FRMD3: variants seen among roughly 807,000 people sequenced by gnomAD.
FRMD3 encodes the protein FERM domain-containing protein 3.
A neutral mutation model predicts 70.2 loss-of-function variants in FRMD3; 33 were observed. That is an observed-to-expected ratio of 0.47 (90% confidence interval 0.36 to 0.63). The LOEUF (loss-of-function observed/expected upper bound fraction) is 0.63. FRMD3 is among the 20% of genes least tolerant of loss of function. The pLI is 0.00. For missense variants in FRMD3, 632 were observed against 711.4 expected, an observed-to-expected ratio of 0.89 and a Z score of 1.27; for synonymous variants, 279 against 255.9, an observed-to-expected ratio of 1.09 and a Z score of -0.86.
chr9:83,355,398 G>A (rs1337060514), intron 3 of FRMD3, among the ~76,000 whole-genome samples: 2 of 152,174 alleles, frequency 1.3e-5, no homozygotes, highest in Non-Finnish European at 2.9e-5. Context: ...GTCACCCCAT[G>A]GGAGAAGACA....
chr9:83,375,488 T>A (rs1448587918), intron 2 of FRMD3, among the ~76,000 whole-genome samples: 5 of 151,940 alleles, frequency 3.3e-5, no homozygotes, highest in African/African-American at 1.2e-4. Flanking sequence ...AAAGGGAGAG[T>A]CATGAGGTAT....
chr9:83,573,740 C>A, the FRMD3 span, among the ~76,000 whole-genome samples: 1 of 60,760 alleles, frequency 1.6e-5, no homozygotes, highest in East Asian at 3.0e-4. Flanking sequence ...AAGAACGATT[C>A]TCTCTCTCTC....
At chr9:83,573,038 G>C in the FRMD3 span, among the ~76,000 whole-genome samples, 4 of 151,316 alleles carry the variant, frequency 2.6e-5, no homozygotes, top group African/African-American at 7.4e-5. Context: ...TAAAAATGAC[G>C]GAAGAATGTG....
the FRMD3 span, among the ~76,000 whole-genome samples, chr9:83,573,586 C>G: frequency 1.3e-5 from 2 of 152,164 alleles, no homozygotes; most frequent in Non-Finnish European, 2.9e-5. Context: ...CAACTAGTCT[C>G]TCTGCCTCTC....
At chr9:83,452,958 G>A (rs1170558954) in intron 1 of FRMD3, among the ~76,000 whole-genome samples, 3 of 146,292 alleles carry the variant, frequency 2.1e-5, no homozygotes, top group East Asian at 2.1e-4. Flanking sequence ...AGGTTCAAGC[G>A]ATTCTCTTGC....
intron 6 of FRMD3, among the ~76,000 whole-genome samples, chr9:83,323,942 G>T (rs1430826130): frequency 6.6e-6 from 1 of 152,188 alleles, no homozygotes; most frequent in Non-Finnish European, 1.5e-5. Flanking sequence ...ACTTAGGCTT[G>T]TACTTACACT....
intron 3 of FRMD3, among the ~76,000 whole-genome samples, chr9:83,353,668 G>GA (rs1824238668): frequency 6.6e-6 from 1 of 152,170 alleles, no homozygotes; most frequent in South Asian, 2.1e-4. Flanking sequence ...TACAGATCTA[G>GA]AAAAGTTTGT....
intron 3 of FRMD3, among the ~76,000 whole-genome samples, chr9:83,353,859 G>A (rs1387327346): frequency 2.0e-5 from 3 of 152,174 alleles, no homozygotes; most frequent in African/African-American, 7.2e-5. Flanking sequence ...ATAGGTAACA[G>A]ACACAGTTTT....
At chr9:83,337,565 A>G (rs1823621779) in intron 5 of FRMD3, among the ~76,000 whole-genome samples, 1 of 152,212 alleles carries the variant, frequency 6.6e-6, no homozygotes, top group Non-Finnish European at 1.5e-5. Context: ...TCTGGAAGAA[A>G]CAAAAGATAT....
At chr9:83,381,544 C>CA (rs149090745) in intron 2 of FRMD3, among the ~76,000 whole-genome samples, 44,735 of 144,278 alleles carry the variant, frequency 0.31, 7,721 homozygotes, top group Non-Finnish European at 0.4. Flanking sequence ...TGGCAGAGTG[C>CA]AAAAAAAAAA....
chr9:83,494,478 T>A (rs888860530), intron 1 of FRMD3, among the ~76,000 whole-genome samples: 16 of 152,222 alleles, frequency 1.1e-4, no homozygotes, highest in Non-Finnish European at 1.6e-4. Flanking sequence ...ACTGGCCCCC[T>A]GCCATACTCT....
intron 3 of FRMD3, among the ~76,000 whole-genome samples, chr9:83,365,877 A>G (rs937485262): frequency 1.3e-5 from 2 of 152,156 alleles, no homozygotes; most frequent in African/African-American, 4.8e-5. Context: ...CTGAGTGCCA[A>G]TGAGAAAGAG....
intron 1 of FRMD3, among the ~76,000 whole-genome samples, chr9:83,392,654 A>G (rs1274694575): frequency 6.6e-6 from 1 of 152,144 alleles, no homozygotes; most frequent in Non-Finnish European, 1.5e-5. Context: ...TTTCTCATGG[A>G]AAACATGAGG....
chr9:83,272,998 G>A lies in FRMD3; in HGVS notation c.1195+17605C>T, dbSNP rs1435142286. Among the ~76,000 whole-genome samples the A allele has an allele frequency of 8.2e-5, 12 of 146,694 alleles. No homozygotes were observed. In the South Asian group the frequency reaches 9.0e-4, roughly 11 times the overall value. ...TCTCCGCCCGGCAGCCGCCCCGTCC[G>A]GGAGGGAGGTGGGGGGCAGCCCCCA... On this transcript the variant is annotated intron_variant, in intron 13 of 13. Coordinates refer to ENST00000304195, the MANE Select transcript of FRMD3 (RefSeq NM_174938.6).
intron 13 of FRMD3, among the ~76,000 whole-genome samples, chr9:83,278,792 G>A (rs1008522036): frequency 6.6e-6 from 1 of 152,176 alleles, no homozygotes; most frequent in African/African-American, 2.4e-5. Flanking sequence ...CTGGGGGTCA[G>A]GGCGGGGACC....
At chr9:83,272,757 A>G (rs968233211) in intron 13 of FRMD3, among the ~76,000 whole-genome samples, 2 of 119,348 alleles carry the variant, frequency 1.7e-5, no homozygotes, top group Admixed American at 8.5e-5. Context: ...CCGGCCGCCC[A>G]TCATCTGAGA....
chr9:83,538,800 ACCTGGC>A (rs1188607455), upstream of FRMD3, among the ~76,000 whole-genome samples: 918 of 152,214 alleles, frequency 6.0e-3, 10 homozygotes, highest in African/African-American at 0.019. The surrounding 1 kb of genome is among the most constrained non-coding windows in gnomAD (Gnocchi z 4.7). Context: ...AGCTCCAGGG[ACCTGGC>A]GCGGGTAGGG....
Position 83,528,296 on chromosome 9 carries a change from G to GACAC in FRMD3, c.147+9785_147+9788dup, listed in dbSNP as rs35727605. Among the ~76,000 whole-genome samples the GACAC allele has an allele frequency of 7.8e-3, 1,166 of 149,178 alleles. 9 individuals carry two copies. Among genetic ancestry groups the GACAC allele is most frequent in the African/African-American group, 0.018 (726 of 40,626 alleles). On this transcript the variant is annotated intron_variant, in intron 1 of 13. Coordinates refer to ENST00000304195, the MANE Select transcript of FRMD3 (RefSeq NM_174938.6). The stretch of plus-strand genomic sequence containing the variant: ...TCTTAATATTTTGAATATAAACGCA[G>GACAC]ACACACACACACACACACACACACG...
In FRMD3 at chr9:83,489,015, T is replaced by TGC. The variant is rs1554711660; in HGVS notation, c.147+49068_147+49069dup. Among the ~76,000 whole-genome samples the TGC allele has an allele frequency of 1.8e-3, 237 of 131,678 alleles. 2 individuals carry two copies. Among genetic ancestry groups the TGC allele is most frequent in the South Asian group, 9.7e-3 (42 of 4,320 alleles). The allele number at this position is 131,678 out of a possible 152,430, so 86.4% of individuals were successfully genotyped here. A position where few individuals can be genotyped will look rare whatever the true frequency, so the allele number is the denominator to read the frequency against. On this transcript the variant is annotated intron_variant, in intron 1 of 13. Coordinates refer to ENST00000304195, the MANE Select transcript of FRMD3 (RefSeq NM_174938.6). The stretch of plus-strand genomic sequence containing the variant: ...GTGTGTGTGTGTGTGTGTGTGTGTG[T>TGC]GCTTGTGTGTGCGCACCTACACATG...
Sources: gnomAD v4.1 joint callset for allele counts (sites outside exome capture counted in the v4.1 genomes callset) on GRCh38, gnomAD v4.1.1 for gene constraint, Gnocchi (gnomAD v3.1) non-coding constraint, MANE v1.5 for transcripts, NCBI Gene and HGNC (gene_info 2026-07-23, HGNC 2026-07-21) for gene names.